The following ASTN2 variants were observed in gnomAD, a reference collection of about 807,000 sequenced individuals.
ASTN2 encodes astrotactin 2.
ASTN2 carries 54 observed loss-of-function variants against 139.8 expected under a neutral mutation model. The observed-to-expected ratio is 0.39, with a 90% CI of 0.31 to 0.48. The LOEUF (loss-of-function observed/expected upper bound fraction) is 0.48. ASTN2 is among the 20% of genes least tolerant of loss of function. The pLI is 0.95. For synonymous variants in ASTN2, 756 were observed against 719.5 expected (o/e 1.05, Z -0.81); for missense variants, 1,565 against 1,725.1 (o/e 0.91, Z 1.64).
At chr9:117,366,254 A>G (rs566210378) in intron 1 of ASTN2, among the ~76,000 whole-genome samples, 1 of 152,188 alleles carries the variant, frequency 6.6e-6, no homozygotes, top group Non-Finnish European at 1.5e-5. Context: ...GACAATGGCA[A>G]TGACAAGCTG....
chr9:117,031,749 G>A (rs527324156), intron 6 of ASTN2, among the ~76,000 whole-genome samples: 32 of 152,224 alleles, frequency 2.1e-4, no homozygotes, highest in African/African-American at 7.2e-4. Context: ...AGGGCCTGAG[G>A]CAGGAGGCAA....
At chr9:117,289,139 G>C (rs1834522061) in intron 2 of ASTN2, among the ~76,000 whole-genome samples, 1 of 152,150 alleles carries the variant, frequency 6.6e-6, no homozygotes, top group Admixed American at 6.5e-5. Context: ...ACACCCTGGG[G>C]TTCAGTGTCT....
At chr9:116,741,725 C>T in intron 13 of ASTN2, among the ~76,000 whole-genome samples, 1 of 152,152 alleles carries the variant, frequency 6.6e-6, no homozygotes, top group Non-Finnish European at 1.5e-5. Context: ...TGTAGCTGTC[C>T]TGCAGGTGCC....
At chr9:116,786,499 G>A (rs1014390632) in intron 13 of ASTN2, among the ~76,000 whole-genome samples, 1 of 152,114 alleles carries the variant, frequency 6.6e-6, no homozygotes, top group Non-Finnish European at 1.5e-5. Context: ...GTGTGTCATT[G>A]TTATCTGGTT....
intron 13 of ASTN2, among the ~76,000 whole-genome samples, chr9:116,747,999 T>A (rs1463383042): frequency 1.3e-5 from 2 of 152,106 alleles, no homozygotes; most frequent in Admixed American, 1.3e-4. Context: ...CCTTGTCCTG[T>A]CATAACACTG....
rs752165418 is a variant in ASTN2 at position 116,698,100 on chromosome 9, T to C, written c.2806+27671A>G. The C allele has an allele frequency of 5.0e-6, 8 of 1,614,016 alleles. No homozygotes were observed. The highest frequency in any genetic ancestry group is 1.1e-5 in the South Asian group (1 of 91,090). On this transcript the variant is annotated intron_variant, in intron 16 of 22. Coordinates refer to ENST00000313400, the MANE Select transcript of ASTN2 (RefSeq NM_001365068.1). This position sits in a 1 kb window ranked among gnomAD's most constrained non-coding sequence, Gnocchi z 4.4. ...CTGCCGGAGCTGTGGTTTGGTGTTA[T>C]GTGAGCCCTGCCGGGAGGCAGACCA...
chr9:116,600,431 G>A (rs913631082), intron 19 of ASTN2, among the ~76,000 whole-genome samples: 8 of 152,076 alleles, frequency 5.3e-5, no homozygotes, highest in Non-Finnish European at 1.2e-4. Context: ...GCCTCTGGCT[G>A]TCATTACACT....
chr9:116,734,224 T>C (rs572910062), intron 13 of ASTN2, among the ~76,000 whole-genome samples: 24 of 152,128 alleles, frequency 1.6e-4, no homozygotes, highest in Admixed American at 1.1e-3. Flanking sequence ...CTCTAACTTC[T>C]TTAGGTGCCT....
chr9:117,174,084 T>C (rs540296897), intron 3 of ASTN2, among the ~76,000 whole-genome samples: 1 of 151,498 alleles, frequency 6.6e-6, no homozygotes, highest in Admixed American at 6.6e-5. Context: ...GAATTATAGA[T>C]GTGGTAGAGA....
chr9:116,457,784 C>T (rs997072842), intron 20 of ASTN2, among the ~76,000 whole-genome samples: 2 of 152,040 alleles, frequency 1.3e-5, no homozygotes, highest in East Asian at 1.9e-4. Context: ...CTATGGGGAA[C>T]AATATGGAGA....
chr9:116,608,148 A>C lies in ASTN2; in HGVS notation c.3355+10176T>G, dbSNP rs113907346. Among the ~76,000 whole-genome samples the C allele has an allele frequency of 4.9e-3, 739 of 152,306 alleles. 6 individuals are homozygous for C. Among genetic ancestry groups the C allele is most frequent in the African/African-American group, 0.017 (717 of 41,566 alleles). On this transcript the variant is annotated intron_variant, in intron 19 of 22. Coordinates refer to ENST00000313400, the MANE Select transcript of ASTN2 (RefSeq NM_001365068.1). ...GACAGATTCCCTGAATTGCCCAGAC[A>C]GAGTTCTGAGACCAGGGAAACCAAA... is the stretch of plus-strand genomic sequence containing the variant.
At chr9:116,780,461 G>A (rs563711840) in intron 13 of ASTN2, among the ~76,000 whole-genome samples, 1 of 152,310 alleles carries the variant, frequency 6.6e-6, no homozygotes, top group East Asian at 1.9e-4. Context: ...CCTTGGTTTA[G>A]GATTAGCATT....
chr9:116,832,811 C>T (rs1237926656), intron 11 of ASTN2, among the ~76,000 whole-genome samples: 1 of 151,936 alleles, frequency 6.6e-6, no homozygotes, highest in East Asian at 1.9e-4. Flanking sequence ...GGCTATTGGT[C>T]TTACTTTGTA....
At chr9:116,856,621 C>T (rs1235254628) in intron 11 of ASTN2, among the ~76,000 whole-genome samples, 4 of 152,202 alleles carry the variant, frequency 2.6e-5, no homozygotes, top group Admixed American at 1.3e-4. Flanking sequence ...GGTTCCTGGC[C>T]TATACTAAAT....
Position 116,718,972 on chromosome 9 carries a change from G to GTGTGTGTGTGTATATATATA in ASTN2, c.2806+6798_2806+6799insTATATATATACACACACACA, listed in dbSNP as rs56991546. Among the ~76,000 whole-genome samples, 11 of 100,044 alleles carry GTGTGTGTGTGTATATATATA rather than the reference G, an allele frequency of 1.1e-4. 1 individual carries two copies. Among genetic ancestry groups the GTGTGTGTGTGTATATATATA allele is most frequent in the African/African-American group, 3.8e-4 (10 of 26,052 alleles). 65.6% of individuals were successfully genotyped at this position (100,044 alleles called of 152,430 possible). A position where few individuals can be genotyped will look rare whatever the true frequency, so the allele number is the denominator to read the frequency against. On this transcript the variant is annotated intron_variant, in intron 16 of 22. Transcript: ENST00000313400. ...TATTTACATATCTATACCTGTATCTGTACATATATATATATATATCTGCCT... is the reference window on the plus strand; with the variant it reads ...TATTTACATATCTATACCTGTATCTGTGTGTGTGTGTATATATATATACATATATATATATATATCTGCCT...
intron 5 of ASTN2, among the ~76,000 whole-genome samples, chr9:117,064,115 C>T (rs771658004): frequency 5.9e-5 from 9 of 151,770 alleles, no homozygotes; most frequent in Admixed American, 5.9e-4. Context: ...ACCGGTGTTT[C>T]CAGGACGCGC....
chr9:116,771,730 C>T (rs545323001), intron 13 of ASTN2, among the ~76,000 whole-genome samples: 171 of 152,300 alleles, frequency 1.1e-3, no homozygotes, highest in African/African-American at 3.9e-3. Flanking sequence ...GAGGCCTCTC[C>T]AAGAATAGCC....
At chr9:116,931,994 G>C (rs1834910716) in intron 10 of ASTN2, among the ~76,000 whole-genome samples, 1 of 152,074 alleles carries the variant, frequency 6.6e-6, no homozygotes, top group Non-Finnish European at 1.5e-5. Flanking sequence ...AATAACGCTG[G>C]TTTGGCTGAA....
At chr9:117,085,733 T>C (rs1828543877) in intron 5 of ASTN2, among the ~76,000 whole-genome samples, 1 of 152,194 alleles carries the variant, frequency 6.6e-6, no homozygotes, top group Non-Finnish European at 1.5e-5. Context: ...ACAGAGCTGA[T>C]ACCAGGAAGT....
Sources: gnomAD v4.1 joint callset for allele counts (sites outside exome capture counted in the v4.1 genomes callset) on GRCh38, gnomAD v4.1.1 for gene constraint, Gnocchi (gnomAD v3.1) non-coding constraint, MANE v1.5 for transcripts, NCBI Gene and HGNC (gene_info 2026-07-23, HGNC 2026-07-21) for gene names.